CFAP299: variants seen among roughly 807,000 people sequenced by gnomAD.
The protein encoded by CFAP299 is cilia- and flagella-associated protein 299.
A neutral mutation model predicts 27.0 loss-of-function variants in CFAP299; 21 were observed. The ratio of observed to expected loss-of-function variants is 0.78; its 90% CI spans 0.55 to 1.12. The LOEUF (loss-of-function observed/expected upper bound fraction) is 1.12. CFAP299 is among the 50% of genes most tolerant of loss of function. The pLI is 0.00. For missense variants in CFAP299, 310 were observed against 276.6 expected (o/e 1.12, Z -0.86); for synonymous variants, 104 against 98.1 (o/e 1.06, Z -0.36).
Position 80,846,092 on chromosome 4 carries a change from A to G in CFAP299, c.334-23901A>G, listed in dbSNP as rs183686275. Among the ~76,000 whole-genome samples the G allele has an allele frequency of 4.6e-5, 7 of 152,258 alleles. No individual in the cohort carries two copies. The East Asian group carries it at 1.4e-3, about 29-fold the overall frequency. ...TACCAAGATAAATGATAGCATCCTT[A>G]ATCACAAGCAGCTCAAGCTCTAATA... On this transcript the variant is annotated intron_variant, in intron 3 of 5. Coordinates refer to ENST00000358105, the MANE Select transcript of CFAP299 (RefSeq NM_152770.3).
intron 4 of CFAP299, among the ~76,000 whole-genome samples, chr4:80,880,150 G>T (rs144958494): frequency 7.6e-4 from 115 of 152,150 alleles, no homozygotes; most frequent in African/African-American, 2.5e-3. Context: ...GAGAAAGGGG[G>T]GGAGAGAATC....
chr4:80,665,262 AT>A (rs1279722814), intron 3 of CFAP299, among the ~76,000 whole-genome samples: 2 of 152,228 alleles, frequency 1.3e-5, no homozygotes, highest in East Asian at 3.9e-4. Flanking sequence ...GCTAGAGAAA[AT>A]TTTCCTTTTC....
intron 3 of CFAP299, among the ~76,000 whole-genome samples, chr4:80,650,855 T>C (rs1740240620): frequency 6.6e-6 from 1 of 152,006 alleles, no homozygotes; most frequent in African/African-American, 2.4e-5. Flanking sequence ...ACTTTGGGAC[T>C]CAGGGGAAAG....
intron 3 of CFAP299, among the ~76,000 whole-genome samples, chr4:80,699,071 A>C (rs988462125): frequency 6.6e-6 from 1 of 152,206 alleles, no homozygotes; most frequent in Non-Finnish European, 1.5e-5. Flanking sequence ...TGTAGTCCCT[A>C]TAAGCTTATT....
intron 3 of CFAP299, among the ~76,000 whole-genome samples, chr4:80,629,056 T>C (rs755298787): frequency 2.0e-5 from 3 of 152,166 alleles, no homozygotes; most frequent in Admixed American, 6.5e-5. Flanking sequence ...AGCCAAGATA[T>C]GGAATCAACC....
chr4:80,656,014 G>A (rs1221990119), intron 3 of CFAP299, among the ~76,000 whole-genome samples: 1 of 152,060 alleles, frequency 6.6e-6, no homozygotes, highest in African/African-American at 2.4e-5. Flanking sequence ...TGCCCATAAT[G>A]AACAGCTGCA....
intron 3 of CFAP299, among the ~76,000 whole-genome samples, chr4:80,593,584 T>C (rs555054678): frequency 6.6e-6 from 1 of 152,172 alleles, no homozygotes; most frequent in Non-Finnish European, 1.5e-5. Flanking sequence ...ACTCTCCAGA[T>C]ATTGGTCTTC....
intron 2 of CFAP299, among the ~76,000 whole-genome samples, chr4:80,499,874 G>T (rs1731655817): frequency 6.6e-6 from 1 of 151,938 alleles, no homozygotes; most frequent in African/African-American, 2.4e-5. Flanking sequence ...ACTAAACCTT[G>T]CCATTCACAT....
At chr4:80,759,373 G>A (rs1725428301) in intron 3 of CFAP299, among the ~76,000 whole-genome samples, 1 of 152,142 alleles carries the variant, frequency 6.6e-6, no homozygotes, top group African/African-American at 2.4e-5. Flanking sequence ...GTAGTTTAAG[G>A]TCTGATTAAA....
intron 3 of CFAP299, among the ~76,000 whole-genome samples, chr4:80,762,661 C>G (rs559026725): frequency 6.6e-6 from 1 of 152,086 alleles, no homozygotes; most frequent in South Asian, 2.1e-4. Flanking sequence ...ATATCCCCTT[C>G]CAGGAATAAA....
Position 80,351,821 on chromosome 4 carries a change from A to G in CFAP299, c.112-10933A>G, listed in dbSNP as rs566102693. On this transcript the variant is annotated intron_variant, in intron 1 of 5. Transcript: ENST00000358105. The stretch of plus-strand genomic sequence containing the variant: ...TTATAGTTATAGTAATATATTAATA[A>G]CATTAAATTAACAATCTATTAATGT... 4.6e-4 allele frequency among the ~76,000 whole-genome samples: 69 copies of G among 150,590 alleles called. 1 individual carries two copies. The South Asian group carries it at 0.014, about 31-fold the overall frequency.
chr4:80,485,902 T>G (rs1730795982), intron 2 of CFAP299, among the ~76,000 whole-genome samples: 1 of 152,210 alleles, frequency 6.6e-6, no homozygotes, highest in Admixed American at 6.5e-5. Flanking sequence ...ATTTTCATTA[T>G]GAAGCATTAT....
intron 2 of CFAP299, among the ~76,000 whole-genome samples, chr4:80,577,013 A>C (rs1735901678): frequency 6.6e-6 from 1 of 152,202 alleles, no homozygotes; most frequent in Admixed American, 6.5e-5. Context: ...TAAAGTCTGC[A>C]TACCTCACTC....
chr4:80,385,313 A>G (rs1578381069), intron 2 of CFAP299, among the ~76,000 whole-genome samples: 1 of 152,078 alleles, frequency 6.6e-6, no homozygotes, highest in African/African-American at 2.4e-5. Flanking sequence ...TCCACATACA[A>G]CTACTCCAGA....
the CFAP299 span, among the ~76,000 whole-genome samples, chr4:80,327,690 T>TTATATATATATATATA: frequency 9.6e-4 from 49 of 51,212 alleles, 1 homozygote; most frequent in African/African-American, 1.8e-3. Context: ...TAGAGAGAAG[T>TTATATATATATATATA]TATATATATA....
intron 5 of CFAP299, among the ~76,000 whole-genome samples, chr4:80,946,511 G>T (rs149320684): frequency 1.3e-5 from 2 of 152,280 alleles, no homozygotes. Context: ...GAGGTGATTA[G>T]CTACATGCAA....
chr4:80,370,833 T>C (rs2038818367), intron 2 of CFAP299, among the ~76,000 whole-genome samples: 1 of 152,212 alleles, frequency 6.6e-6, no homozygotes, highest in African/African-American at 2.4e-5. Flanking sequence ...GGTGCAACTT[T>C]TGGTGGCTCT....
Position 80,447,119 on chromosome 4 carries a change from G to GTTTTT in CFAP299, c.242+84241_242+84245dup, listed in dbSNP as rs71641487. Among the ~76,000 whole-genome samples, 54 of 65,518 alleles carry GTTTTT rather than the reference G, an allele frequency of 8.2e-4. 3 individuals are homozygous for GTTTTT. The highest frequency in any genetic ancestry group is 0.01 in the Middle Eastern group (1 of 100). The allele number at this position is 65,518 out of a possible 152,430, so 43.0% of individuals were successfully genotyped here. A position where few individuals can be genotyped will look rare whatever the true frequency, so the allele number is the denominator to read the frequency against. On this transcript the variant is annotated intron_variant, in intron 2 of 5. Transcript: ENST00000358105. Reference sequence around the variant, plus strand: ...TTGTTTTTGTTTTTGCTTTTTATTTGTTTTTTTTTTGTTTTTTTTTTTTTT... The same window carrying GTTTTT: ...TTGTTTTTGTTTTTGCTTTTTATTTGTTTTTTTTTTTTTTTGTTTTTTTTTTTTTT...
chr4:80,426,127 GTT>G (rs376905295), intron 2 of CFAP299, among the ~76,000 whole-genome samples: 236 of 138,398 alleles, frequency 1.7e-3, no homozygotes, highest in African/African-American at 5.9e-3. Flanking sequence ...TAGTTTTCTT[GTT>G]TTTTTTTTTT....
Sources: allele counts gnomAD v4.1 joint callset (sites outside exome capture counted in the v4.1 genomes callset), GRCh38; gene constraint gnomAD v4.1.1; transcripts MANE v1.5; gene names NCBI Gene and HGNC (gene_info 2026-07-23, HGNC 2026-07-21).